ABHD12B: variants seen among roughly 807,000 people sequenced by gnomAD.
ABHD12B encodes protein ABHD12B.
In ABHD12B, 42 loss-of-function variants were observed where a neutral mutation model predicts 50.4. The ratio of observed to expected loss-of-function variants is 0.83; its 90% CI spans 0.65 to 1.08. ABHD12B has a LOEUF of 1.08. Ranked by LOEUF, ABHD12B falls within the 50% of genes least tolerant of loss-of-function variation. The pLI is 0.00. For synonymous variants in ABHD12B, 167 were observed against 160.3 expected, an observed-to-expected ratio of 1.04 and a Z score of -0.32; for missense variants, 479 against 447.7, an observed-to-expected ratio of 1.07 and a Z score of -0.63.
chr14:50,894,803 G>A (rs961713704), intron 9 of ABHD12B, among the ~76,000 whole-genome samples: 2 of 148,470 alleles, frequency 1.3e-5, no homozygotes, highest in Admixed American at 6.6e-5. Context: ...CCCAAGCGTC[G>A]CTGAGTCTTT....
chr14:50,892,870 T>C (rs2050137415), intron 9 of ABHD12B: 1 of 152,314 alleles, frequency 6.6e-6, no homozygotes, highest in Non-Finnish European at 1.5e-5. Context: ...TATAATATTA[T>C]TGTGATTTCC....
chr14:50,884,558 A>G (rs8006857), intron 5 of ABHD12B, among the ~76,000 whole-genome samples: 144,189 of 152,274 alleles, frequency 0.95, 68,490 homozygotes, highest in South Asian at 0.99. Flanking sequence ...CTTAAGCTCC[A>G]CAAGGCTCAG....
intron 12 of ABHD12B, 66 bp from the exon 13 acceptor site, chr14:50,904,273 A>G (rs1310931224): frequency 2.5e-6 from 4 of 1,613,802 alleles, no homozygotes; most frequent in African/African-American, 1.3e-5. Flanking sequence ...CAACATGAAA[A>G]TGTATAATAT....
At chr14:50,887,211 C>CAAAAAAAA (rs59924695) in intron 8 of ABHD12B, among the ~76,000 whole-genome samples, 507 of 43,626 alleles carry the variant, frequency 0.012, 162 homozygotes, top group African/African-American at 0.042. Flanking sequence ...GAGTCTGTCT[C>CAAAAAAAA]AAAAAAAAAA....
chr14:50,872,191 G>A lies in ABHD12B; in HGVS notation c.17G>A (p.Cys6Tyr). 7.3e-7 allele frequency: 1 copy of A among 1,363,066 alleles called. No homozygotes were observed. Among genetic ancestry groups the A allele is most frequent in the Non-Finnish European group, 9.5e-7 (1 of 1,055,876 alleles). 84.4% of individuals were successfully genotyped at this position (1,363,066 alleles called of 1,614,324 possible). ...CGGCGCGGGATGGACGCGCAGGACT[G>A]CCAGGCGGCCGCATCGCCCGAGCCG... MDAQD[C>Y]QAAASPEPPG... Residue 6 changes from cysteine (C) to tyrosine (Y), a missense_variant, in exon 1 of 13, where the codon TGC (cysteine) becomes TAC (tyrosine). Physicochemically the swap from Cys to Tyr is radical, Grantham distance 194 (BLOSUM62 -2). Transcript: ENST00000337334.
chr14:50,894,892 C>T, intron 9 of ABHD12B, among the ~76,000 whole-genome samples: 1 of 148,832 alleles, frequency 6.7e-6, no homozygotes, highest in Non-Finnish European at 1.5e-5. Flanking sequence ...CTTCCTCAGC[C>T]TCTGCTCCTC....
At chr14:50,875,580 G>A (rs927070480) in intron 1 of ABHD12B, among the ~76,000 whole-genome samples, 7 of 152,184 alleles carry the variant, frequency 4.6e-5, no homozygotes, top group African/African-American at 7.2e-5. Flanking sequence ...CAAGGTGGCC[G>A]TTTGATGTGG....
At position 50,903,403 on chromosome 14, in the gene ABHD12B, C is replaced by T; in HGVS notation, c.878C>T (p.Ser293Phe). 1 of 1,611,776 alleles carries T rather than the reference C, an allele frequency of 6.2e-7. No homozygotes were observed. Among genetic ancestry groups the T allele is most frequent in the East Asian group, 2.2e-5 (1 of 44,814 alleles). The stretch of plus-strand genomic sequence containing the variant: ...CTTGTCCCTAGTGTTAAATTCCTTT[C>T]TTCTCCTCTTCTCATCTTACATGGA... Reference protein sequence around the residue: ...FPNDENVKFLSSPLLILHGED... With the variant: ...FPNDENVKFLFSPLLILHGED... Residue 293 changes from serine to phenylalanine, a missense_variant, in exon 11 of 13, where the codon TCT becomes TTT. Ser to Phe is a radical substitution (Grantham distance 155). Transcript: ENST00000337334.
Position 50,903,396 on chromosome 14 carries a change from T to C in ABHD12B, c.871T>C (p.Phe291Leu). 6.2e-7 allele frequency: 1 copy of C among 1,611,406 alleles called. No homozygotes were observed. Among genetic ancestry groups the C allele is most frequent in the Non-Finnish European group, 8.5e-7 (1 of 1,178,108 alleles). Residue 291 changes from phenylalanine (F) to leucine (L), a missense_variant, in exon 11 of 13, where the codon TTC (phenylalanine) becomes CTC (leucine). Phe to Leu is a conservative substitution (Grantham distance 22). Transcript: ENST00000337334. ...TCTTCTACTTGTCCCTAGTGTTAAA[T>C]TCCTTTCTTCTCCTCTTCTCATCTT... ...IIFPNDENVK[F>L]LSSPLLILHG...
At chr14:50,873,370 T>C (rs946619) in intron 1 of ABHD12B, among the ~76,000 whole-genome samples, 127,892 of 152,120 alleles carry the variant, frequency 0.84, 53,906 homozygotes, top group East Asian at 0.98. Flanking sequence ...GCCACCACAC[T>C]GAGCTGATTT....
Position 50,903,521 on chromosome 14 carries a change from T to C in ABHD12B, c.942+54T>C, listed in dbSNP as rs1366531846. The C allele has an allele frequency of 2.3e-5, 34 of 1,490,200 alleles. No homozygotes were observed. The East Asian group carries it at 7.6e-4, about 33-fold the overall frequency. 92.3% of individuals were successfully genotyped at this position (1,490,200 alleles called of 1,614,324 possible). A position where few individuals can be genotyped will look rare whatever the true frequency, so the allele number is the denominator to read the frequency against. On this transcript the variant is annotated intron_variant, in intron 11 of 12. Coordinates refer to ENST00000337334, the MANE Select transcript of ABHD12B (RefSeq NM_001206673.2). ...ATATACTATACTCATTTCACCATTT[T>C]TTTCATTCAGCCAAACTTTGATTAG...
In ABHD12B at chr14:50,872,277, C is replaced by T. The variant is rs1167878244; in HGVS notation, c.103C>T (p.Arg35Ter). 9.7e-6 allele frequency: 13 copies of T among 1,344,886 alleles called. No homozygotes were observed. In the Admixed American group the frequency reaches 1.3e-4, roughly 13 times the overall value. 83.3% of individuals were successfully genotyped at this position (1,344,886 alleles called of 1,614,324 possible). A position where few individuals can be genotyped will look rare whatever the true frequency, so the allele number is the denominator to read the frequency against. ...GTGGGACATGGTCGACCGCAACCTG[C>T]GGTGAGTACCGCCCGGTCCACCCCT... ...AWWDMVDRNL[R>*]YFPHSCSMLG... The change falls in exon 1 of 13, where the codon CGA (arginine) becomes TGA (stop). Residue 35 changes from arginine (R) to a stop codon, truncating the protein, a stop_gained and splice_region_variant. Coordinates refer to ENST00000337334, the MANE Select transcript of ABHD12B (RefSeq NM_001206673.2). LOFTEE classifies it high-confidence loss of function.
intron 4 of ABHD12B, among the ~76,000 whole-genome samples, chr14:50,881,194 T>A (rs1468524919): frequency 6.6e-6 from 1 of 152,160 alleles, no homozygotes; most frequent in Non-Finnish European, 1.5e-5. Flanking sequence ...TATGATTATG[T>A]TGGGTGACGA....
intron 9 of ABHD12B, among the ~76,000 whole-genome samples, chr14:50,895,926 C>T (rs2050192736): frequency 6.6e-6 from 1 of 152,192 alleles, no homozygotes; most frequent in Non-Finnish European, 1.5e-5. Context: ...CTGCCCAGTT[C>T]CCGTATTAGG....
intron 11 of ABHD12B, 197 bp from the exon 12 acceptor site, chr14:50,903,877 G>A (rs2050296301): frequency 1.7e-6 from 1 of 572,340 alleles, no homozygotes; most frequent in African/African-American, 1.9e-5. Context: ...GGTTTTATCA[G>A]TATTCTATAT....
rs535724615 is a variant in ABHD12B, at chr14:50,899,836, T to TG, written c.781-1992dup. ...ACTTGGGTGGCTGAGGCAGGAGAATTGCTTGAACCCAGGAGGCAGACGTTG... is the reference window on the plus strand; with the variant it reads ...ACTTGGGTGGCTGAGGCAGGAGAATTGGCTTGAACCCAGGAGGCAGACGTTG... On this transcript the variant is annotated intron_variant, in intron 9 of 12. Coordinates refer to ENST00000337334, the MANE Select transcript of ABHD12B (RefSeq NM_001206673.2). Among the ~76,000 whole-genome samples, 20 of 151,544 alleles carry TG rather than the reference T, an allele frequency of 1.3e-4. No homozygotes were observed. The South Asian group carries it at 4.2e-3, about 32-fold the overall frequency.
At chr14:50,874,851 C>G (rs2049839013) in intron 1 of ABHD12B, among the ~76,000 whole-genome samples, 1 of 152,174 alleles carries the variant, frequency 6.6e-6, no homozygotes, top group Non-Finnish European at 1.5e-5. Context: ...CAGACAAAAT[C>G]CTTGCTCTGT....
intron 1 of ABHD12B, among the ~76,000 whole-genome samples, chr14:50,877,641 C>T (rs748829495): frequency 6.6e-5 from 10 of 152,050 alleles, no homozygotes; most frequent in Non-Finnish European, 1.3e-4. Context: ...AATTTGGGGG[C>T]GGATCACCTG....
chr14:50,903,920 A>G (rs1317505568), intron 11 of ABHD12B, 154 bp from the exon 12 acceptor site: 1 of 648,936 alleles, frequency 1.5e-6, no homozygotes, highest in African/African-American at 1.8e-5. Flanking sequence ...TTAGCTGTAG[A>G]GACAGGCAAC....
Sources: gnomAD v4.1 joint callset for allele counts (sites outside exome capture counted in the v4.1 genomes callset) on GRCh38, gnomAD v4.1.1 for gene constraint, MANE v1.5 for transcripts, NCBI Gene and HGNC (gene_info 2026-07-23, HGNC 2026-07-21) for gene names.